ENPP1: variants seen among roughly 807,000 people sequenced by gnomAD.
ENPP1 encodes the protein ectonucleotide pyrophosphatase/phosphodiesterase family member 1.
ENPP1 carries 73 observed loss-of-function variants against 122.8 expected under a neutral mutation model. The observed-to-expected ratio is 0.59, with a 90% CI of 0.49 to 0.72. ENPP1 has a LOEUF of 0.72. Among genes scored for constraint, ENPP1 ranks in the 30% least tolerant of loss-of-function variants. The pLI is 0.00. For synonymous variants in ENPP1, 367 were observed against 391.6 expected (o/e 0.94, Z 0.74); for missense variants, 978 against 1,128.1 (o/e 0.87, Z 1.91).
chr6:131,877,866 A>AAAAAAAAAAAGAT (rs1562183349), intron 18 of ENPP1: 1 of 53,022 alleles, frequency 1.9e-5, no homozygotes. Context: ...AAAAAAAAAA[A>AAAAAAAAAAAGAT]ATATATATAT....
Position 131,864,918 on chromosome 6 carries a change from T to C in ENPP1, c.1144T>C (p.Tyr382His), listed in dbSNP as rs747265001. ...LEEPDSSGHS[Y>H]GPVSSEVIKA... The stretch of plus-strand genomic sequence containing the variant: ...AGAACCAGATTCTTCAGGTCATTCA[T>C]ATGGACCAGTCAGCAGTGAAGTAAG... The change falls in exon 11 of 25, where the codon TAT becomes CAT. Residue 382 changes from tyrosine to histidine, a missense_variant. Physicochemically the swap from Tyr to His is moderately conservative, Grantham distance 83. Around this residue, in one of 3 missense-constraint regions of ENPP1, gnomAD observed 644 missense variants for 781.5 expected, o/e 0.82. Transcript: ENST00000647893. 3 of 1,602,334 alleles carry C rather than the reference T, an allele frequency of 1.9e-6. No homozygotes were observed. In the East Asian group the frequency reaches 6.7e-5, roughly 36 times the overall value.
chr6:131,868,034 A>G lies in ENPP1; in HGVS notation c.1181A>G (p.Gln394Arg). 6.2e-7 allele frequency: 1 copy of G among 1,613,154 alleles called. No homozygotes were observed. Among genetic ancestry groups the G allele is most frequent in the Non-Finnish European group, 8.5e-7 (1 of 1,179,504 alleles). ...CATTCTTAGGTCATCAAAGCCTTGC[A>G]GAGGGTTGATGGTATGGTTGGTATG... is the stretch of plus-strand genomic sequence containing the variant. The part of the protein sequence containing the change: ...PVSSEVIKAL[Q>R]RVDGMVGMLM... Residue 394 changes from glutamine to arginine, a missense_variant, in exon 12 of 25, where the codon CAG becomes CGG. Physicochemically the swap from Gln to Arg is conservative, Grantham distance 43. Coordinates refer to ENST00000647893, the MANE Select transcript of ENPP1 (RefSeq NM_006208.3).
intron 11 of ENPP1, among the ~76,000 whole-genome samples, chr6:131,865,211 C>G (rs908535419): frequency 2.0e-5 from 3 of 152,182 alleles, no homozygotes; most frequent in African/African-American, 7.2e-5. Context: ...TCCATCGCCC[C>G]TTACCTTGGC....
intron 1 of ENPP1, among the ~76,000 whole-genome samples, chr6:131,823,016 G>A (rs958192767): frequency 3.3e-5 from 5 of 152,232 alleles, no homozygotes; most frequent in Admixed American, 6.5e-5. Flanking sequence ...TCCCACACGC[G>A]GGATAACAGT....
rs773518033 is a variant in ENPP1 at position 131,863,873 on chromosome 6, G to A, written c.1026-633G>A. 2.4e-4 allele frequency among the ~76,000 whole-genome samples: 37 copies of A among 152,026 alleles called. 1 individual carries two copies. Among genetic ancestry groups the A allele is most frequent in the South Asian group, 6.2e-4 (3 of 4,816 alleles). ...GGAGATTGCAGTGAACTGAGACCGC[G>A]CCACTGCACTCCAGCCTGGTGACAG... On this transcript the variant is annotated intron_variant, in intron 9 of 24. Coordinates refer to ENST00000647893, the MANE Select transcript of ENPP1 (RefSeq NM_006208.3).
chr6:131,870,073 T>G (rs1020856623), intron 13 of ENPP1, among the ~76,000 whole-genome samples: 2 of 152,128 alleles, frequency 1.3e-5, no homozygotes, highest in Non-Finnish European at 2.9e-5. Flanking sequence ...TATGTTGAAG[T>G]GTGTGTTTTA....
chr6:131,850,638 G>A (rs1781869387), intron 3 of ENPP1, among the ~76,000 whole-genome samples: 1 of 152,152 alleles, frequency 6.6e-6, no homozygotes, highest in Admixed American at 6.5e-5. Context: ...GCTCGACCAT[G>A]GCTCGTTGCA....
chr6:131,886,621 T>C lies in ENPP1; in HGVS notation c.2504T>C (p.Leu835Pro). ...ILIPTHFFIVLTSCKDTSQTP... is the reference protein window; with the variant it reads ...ILIPTHFFIVPTSCKDTSQTP... ...ATTCCAACTCACTTCTTTATTGTGC[T>C]AACAAGCTGTAAAGATACATCTCAG... Residue 835 changes from leucine to proline, a missense_variant, in exon 24 of 25, where the codon CTA becomes CCA. By Grantham distance (98) the Leu-to-Pro change is moderately conservative (BLOSUM62 -3). This residue lies in a region of ENPP1 where 644 missense variants were observed against 781.5 expected (regional missense o/e 0.82). Transcript: ENST00000647893. 1 of 1,613,900 alleles carries C rather than the reference T, an allele frequency of 6.2e-7. No homozygotes were observed. Among genetic ancestry groups the C allele is most frequent in the South Asian group, 1.1e-5 (1 of 91,084 alleles).
In ENPP1 at chr6:131,861,709, G is replaced by A. The variant is rs1435132191; in HGVS notation, c.1025+5G>A. Reference sequence around the variant, plus strand: ...CATCTATAAAATGTATAATGGGTATGTGAAATGAATTTTTTCTAGGATCTG... The same window carrying A: ...CATCTATAAAATGTATAATGGGTATATGAAATGAATTTTTTCTAGGATCTG... On this transcript the variant is annotated splice_donor_5th_base_variant and intron_variant, in intron 9 of 24. Transcript: ENST00000647893. 3 of 1,496,626 alleles carry A rather than the reference G, an allele frequency of 2.0e-6. No homozygotes were observed. Among genetic ancestry groups the A allele is most frequent in the Non-Finnish European group, 2.8e-6 (3 of 1,072,914 alleles). 92.7% of individuals were successfully genotyped at this position (1,496,626 alleles called of 1,614,324 possible). A position where few individuals can be genotyped will look rare whatever the true frequency, so the allele number is the denominator to read the frequency against.
chr6:131,887,145 G>A (rs7767111), intron 24 of ENPP1, among the ~76,000 whole-genome samples: 17,755 of 151,592 alleles, frequency 0.12, 1,969 homozygotes, highest in African/African-American at 0.3. Context: ...GTTTATCTGA[G>A]GTATGGATTT....
At chr6:131,827,498 G>A (rs1781559758) in intron 1 of ENPP1, 9 of 631,554 alleles carry the variant, frequency 1.4e-5, no homozygotes, top group East Asian at 5.5e-5. Flanking sequence ...AGATTTCTGC[G>A]AAGGAATAGA....
intron 8 of ENPP1, among the ~76,000 whole-genome samples, chr6:131,860,886 A>G (rs1312058227): frequency 1.3e-5 from 2 of 152,120 alleles, no homozygotes; most frequent in Non-Finnish European, 2.9e-5. Context: ...TGTGATCTCC[A>G]ATTTACTTTC....
At chr6:131,881,020 T>A (rs1458283246) in intron 20 of ENPP1, among the ~76,000 whole-genome samples, 1 of 152,026 alleles carries the variant, frequency 6.6e-6, no homozygotes, top group East Asian at 1.9e-4. Flanking sequence ...GATTTTGATC[T>A]TACGTGGAAT....
chr6:131,821,215 TGA>T (rs1038525026), intron 1 of ENPP1, among the ~76,000 whole-genome samples: 7 of 152,204 alleles, frequency 4.6e-5, no homozygotes, highest in African/African-American at 1.7e-4. Flanking sequence ...GAGGTTTGTC[TGA>T]ACAATTAAGT....
chr6:131,822,382 T>C (rs1462278281), intron 1 of ENPP1, among the ~76,000 whole-genome samples: 1 of 152,212 alleles, frequency 6.6e-6, no homozygotes, highest in Non-Finnish European at 1.5e-5. Flanking sequence ...TCCTTAACCG[T>C]AATATGAGGA....
intron 18 of ENPP1, chr6:131,877,867 ATATATAT>A (rs1478570121): frequency 3.6e-4 from 11 of 30,664 alleles, no homozygotes; most frequent in South Asian, 3.6e-3. Flanking sequence ...AAAAAAAAAA[ATATATAT>A]ATATATATAT....
intron 1 of ENPP1, among the ~76,000 whole-genome samples, chr6:131,811,799 G>C (rs1411968581): frequency 6.6e-6 from 1 of 152,110 alleles, no homozygotes; most frequent in Non-Finnish European, 1.5e-5. Context: ...ATCTCAGACT[G>C]CTCTGAGCAA....
rs1215074568 is a variant in ENPP1 at position 131,860,342 on chromosome 6, A to G, written c.796-45A>G. ...ATTTTTTTCTGTGAATGTATTTAAC[A>G]TTAAGTAAACACAACTTGCATATAA... On this transcript the variant is annotated intron_variant, in intron 7 of 24. Transcript: ENST00000647893. The G allele has an allele frequency of 3.5e-6, 5 of 1,433,438 alleles. No homozygotes were observed. In the Admixed American group the frequency reaches 6.8e-5, roughly 20 times the overall value. The allele number at this position is 1,433,438 out of a possible 1,614,324, so 88.8% of individuals were successfully genotyped here. A position where few individuals can be genotyped will look rare whatever the true frequency, so the allele number is the denominator to read the frequency against.
Position 131,851,434 on chromosome 6 carries a change from A to G in ENPP1, c.556+167A>G, listed in dbSNP as rs999161161. The G allele has an allele frequency of 4.1e-6, 3 of 729,586 alleles. No individual in the cohort carries two copies. In the Middle Eastern group the frequency reaches 1.2e-3, roughly 285 times the overall value. The allele number at this position is 729,586 out of a possible 1,614,324, so 45.2% of individuals were successfully genotyped here. A position where few individuals can be genotyped will look rare whatever the true frequency, so the allele number is the denominator to read the frequency against. On this transcript the variant is annotated intron_variant, in intron 4 of 24. Transcript: ENST00000647893. ...ATTAAAGAAACTTTTAAACATACAC[A>G]TGGGGAGAGAGAGTATGTAATGAAC... is the stretch of plus-strand genomic sequence containing the variant.
Sources: gnomAD v4.1 joint callset for allele counts (sites outside exome capture counted in the v4.1 genomes callset) on GRCh38, gnomAD v4.1.1 for gene constraint, gnomAD v4.1.1 regional missense constraint, MANE v1.5 for transcripts, NCBI Gene and HGNC (gene_info 2026-07-23, HGNC 2026-07-21) for gene names.